The following CAMK2B variants were observed in gnomAD, a reference collection of about 807,000 sequenced individuals.
CAMK2B encodes calcium/calmodulin-dependent protein kinase type II subunit beta.
A neutral mutation model predicts 93.7 loss-of-function variants in CAMK2B; 27 were observed. The ratio of observed to expected loss-of-function variants is 0.29; its 90% confidence interval spans 0.21 to 0.40. The LOEUF is 0.40. Ranked by LOEUF, CAMK2B falls within the 10% of genes least tolerant of loss-of-function variation. CAMK2B has a pLI of 1.00. For missense variants in CAMK2B, 568 were observed against 895.8 expected (o/e 0.63, Z 4.67); for synonymous variants, 374 against 358.8 (o/e 1.04, Z -0.48).
chr7:44,307,247 G>A (rs1343436523), intron 1 of CAMK2B, among the ~76,000 whole-genome samples: 1 of 139,592 alleles, frequency 7.2e-6, no homozygotes, highest in Non-Finnish European at 1.6e-5. Flanking sequence ...GGTGTGAGCA[G>A]AGGGAAGAGG....
Position 44,262,993 on chromosome 7 carries a change from C to A in CAMK2B, c.220+12G>T, listed in dbSNP as rs2129039300. 1 of 1,612,206 alleles carries A rather than the reference C, an allele frequency of 6.2e-7. No individual in the cohort carries two copies. The highest frequency in any genetic ancestry group is 1.7e-5 in the Admixed American group (1 of 59,984). On this transcript the variant is annotated intron_variant, in intron 3 of 23. Transcript: ENST00000395749. The stretch of plus-strand genomic sequence containing the variant: ...GGGGACCCATCCCCGCTCCCTACCC[C>A]AGGCTGCTCACCGATGTTGGAATGC...
At chr7:44,319,849 C>T (rs1795654118) in intron 1 of CAMK2B, among the ~76,000 whole-genome samples, 1 of 152,066 alleles carries the variant, frequency 6.6e-6, no homozygotes, top group Non-Finnish European at 1.5e-5. Context: ...CACGGGGGGT[C>T]GTCATGAAAG....
rs2096856497 is a variant in CAMK2B, at chr7:44,258,932, G to A, written c.221-6C>T. ...GATGCTGTCGTGGAGACGCACTGTG[G>A]GGACAGAGAAGCCATGAGGGGCTGG... On this transcript the variant is annotated splice_polypyrimidine_tract_variant and splice_region_variant and intron_variant, in intron 3 of 23. Transcript: ENST00000395749. 6.2e-7 allele frequency: 1 copy of A among 1,613,574 alleles called. No individual in the cohort carries two copies. The highest frequency in any genetic ancestry group is 8.5e-7 in the Non-Finnish European group (1 of 1,179,740).
In CAMK2B at chr7:44,266,122, T is replaced by C. The variant is rs906883749; in HGVS notation, c.161-3058A>G. ...GATTCAATATGACAAGGATGTTTCA[T>C]AAAATCTGCTATGGTAGCATTTGCT... On this transcript the variant is annotated intron_variant, in intron 2 of 23. Transcript: ENST00000395749. Among the ~76,000 whole-genome samples the C allele has an allele frequency of 3.2e-4, 48 of 152,200 alleles. 1 individual carries two copies. Among genetic ancestry groups the C allele is most frequent in the Admixed American group, 3.0e-3 (46 of 15,282 alleles).
intron 1 of CAMK2B, among the ~76,000 whole-genome samples, chr7:44,324,757 CCT>C (rs1303278613): frequency 2.0e-5 from 3 of 152,204 alleles, no homozygotes; most frequent in Admixed American, 2.0e-4. Flanking sequence ...CCTCCAAATT[CCT>C]GTTTCCAGAA....
At chr7:44,243,824 G>A (rs993073581) in intron 6 of CAMK2B, among the ~76,000 whole-genome samples, 1 of 152,186 alleles carries the variant, frequency 6.6e-6, no homozygotes, top group Admixed American at 6.5e-5. Flanking sequence ...ACCTGGAAGG[G>A]CGACCTGGGG....
chr7:44,310,682 T>C (rs1056555371), intron 1 of CAMK2B, among the ~76,000 whole-genome samples: 1 of 152,242 alleles, frequency 6.6e-6, no homozygotes, highest in African/African-American at 2.4e-5. Flanking sequence ...GAAGACATTA[T>C]GCTCATTGAA....
At chr7:44,273,479 C>T (rs2129062440) in intron 2 of CAMK2B, among the ~76,000 whole-genome samples, 1 of 152,292 alleles carries the variant, frequency 6.6e-6, no homozygotes, top group Admixed American at 6.5e-5. Context: ...CGGTGGCCCC[C>T]CACAGGGCAG....
rs535129907 is a variant in CAMK2B, at chr7:44,276,219, T to G, written c.160+7912A>C. Among the ~76,000 whole-genome samples, 467 of 151,792 alleles carry G rather than the reference T, an allele frequency of 3.1e-3. 4 individuals are homozygous for G. The highest frequency in any genetic ancestry group is 0.011 in the African/African-American group (445 of 41,358). ...CTCCAGGCTGGGAGGGGAGGGTCCC[T>G]GGGCTGGGAGGGGTGCTGCTGCCAC... is the stretch of plus-strand genomic sequence containing the variant. On this transcript the variant is annotated intron_variant, in intron 2 of 23. Coordinates refer to ENST00000395749, the MANE Select transcript of CAMK2B (RefSeq NM_001220.5).
intron 2 of CAMK2B, among the ~76,000 whole-genome samples, chr7:44,281,346 C>A (rs958744340): frequency 7.2e-5 from 11 of 152,198 alleles, no homozygotes; most frequent in African/African-American, 2.7e-4. Context: ...CTCCCTGGGG[C>A]CAGGAGGACA....
intron 1 of CAMK2B, among the ~76,000 whole-genome samples, chr7:44,318,904 A>AAGTG (rs1438482075): frequency 6.6e-6 from 1 of 152,236 alleles, no homozygotes; most frequent in Non-Finnish European, 1.5e-5. Flanking sequence ...AGCCCTCAAC[A>AAGTG]AGTGACCCTC....
At chr7:44,285,046 C>T (rs73317759) in intron 1 of CAMK2B, among the ~76,000 whole-genome samples, 3,426 of 152,218 alleles carry the variant, frequency 0.023, 121 homozygotes, top group African/African-American at 0.078. Context: ...AGGCCATGAA[C>T]GTACCCCACA....
chr7:44,224,247 G>GCCCAGACCCCAGCTCAA lies in CAMK2B; in HGVS notation c.1597+2252_1597+2268dup, dbSNP rs1180479698. ...TGCCCCTGCCCTGCGGAATGGCGCT[G>GCCCAGACCCCAGCTCAA]CCCAGACCCCAGCTCAACCCAGCCC... On this transcript the variant is annotated intron_variant, in intron 20 of 23. Coordinates refer to ENST00000395749, the MANE Select transcript of CAMK2B (RefSeq NM_001220.5). This position sits in a 1 kb window ranked among gnomAD's most constrained non-coding sequence, Gnocchi z 4.4. 6.6e-6 allele frequency among the ~76,000 whole-genome samples: 1 copy of GCCCAGACCCCAGCTCAA among 151,284 alleles called. No homozygotes were observed. The highest frequency in any genetic ancestry group is 2.4e-5 in the African/African-American group (1 of 41,384).
At chr7:44,219,994 A>C in intron 23 of CAMK2B, 66 bp downstream of exon 23, 3 of 1,356,360 alleles carry the variant, frequency 2.2e-6, no homozygotes, top group Non-Finnish European at 3.0e-6. Context: ...TCGCCTCCCC[A>C]GGCTGCAGCC....
At chr7:44,235,832 C>A (rs1438521225) in intron 13 of CAMK2B, among the ~76,000 whole-genome samples, 1 of 152,220 alleles carries the variant, frequency 6.6e-6, no homozygotes, top group African/African-American at 2.4e-5. Flanking sequence ...ATCCCTCCCC[C>A]ACCGCCTGGC....
intron 2 of CAMK2B, 35 bp from the exon 3 acceptor site, chr7:44,263,099 C>A (rs372682846): frequency 1.9e-6 from 3 of 1,601,230 alleles, no homozygotes; most frequent in African/African-American, 1.3e-5. Context: ...TCACCTCCTG[C>A]GCCAGCAACT....
intron 2 of CAMK2B, among the ~76,000 whole-genome samples, chr7:44,265,495 C>G (rs1040192605): frequency 6.6e-6 from 1 of 152,178 alleles, no homozygotes; most frequent in Admixed American, 6.5e-5. Context: ...TGCGGTGGAA[C>G]CAGGGCACGT....
intron 2 of CAMK2B, among the ~76,000 whole-genome samples, chr7:44,273,272 G>T (rs2096992565): frequency 6.6e-6 from 1 of 152,094 alleles, no homozygotes; most frequent in South Asian, 2.1e-4. Flanking sequence ...TGTTCACTGT[G>T]TCCTGAGTGC....
At chr7:44,220,733 G>A in intron 21 of CAMK2B, 23 bp from the exon 22 acceptor site, 5 of 1,598,476 alleles carry the variant, frequency 3.1e-6, no homozygotes, top group South Asian at 1.1e-5. Context: ...TCCAAGTGAG[G>A]AGGGGCCCCG....
Sources: allele counts gnomAD v4.1 joint callset (sites outside exome capture counted in the v4.1 genomes callset), GRCh38; gene constraint gnomAD v4.1.1; non-coding constraint Gnocchi (gnomAD v3.1); transcripts MANE v1.5; gene names NCBI Gene and HGNC (gene_info 2026-07-23, HGNC 2026-07-21).